The following ABCB4 variants were observed in gnomAD, a reference collection of about 807,000 sequenced individuals.
ABCB4 encodes ATP binding cassette subfamily B member 4, also known as phosphatidylcholine translocator ABCB4.
ABCB4 carries 76 observed loss-of-function variants against 145.7 expected under a neutral mutation model. The ratio of observed to expected loss-of-function variants is 0.52; its 90% confidence interval spans 0.43 to 0.63. ABCB4 has a LOEUF of 0.63. ABCB4 is among the 30% of genes least tolerant of loss of function. The pLI, the probability that ABCB4 is intolerant of heterozygous loss-of-function variation, is 0.00. For missense variants in ABCB4, 1,234 were observed against 1,553.1 expected, an observed-to-expected ratio of 0.79 and a Z score of 3.45; for synonymous variants, 517 against 566.8, an observed-to-expected ratio of 0.91 and a Z score of 1.25.
chr7:87,426,653 T>A, intron 16 of ABCB4, 97 bp downstream of exon 16: 1 of 1,255,944 alleles, frequency 8.0e-7, no homozygotes, highest in Non-Finnish European at 1.2e-6. Flanking sequence ...ATAGTAGCAG[T>A]CATCTGTGCC....
At position 87,470,268 on chromosome 7, in the gene ABCB4, A is replaced by G. The variant is rs540936919; in HGVS notation, c.135+2353T>C. Among the ~76,000 whole-genome samples the G allele has an allele frequency of 3.3e-5, 5 of 152,350 alleles. No individual in the cohort carries two copies. In the South Asian group the frequency reaches 1.0e-3, roughly 32 times the overall value. The stretch of plus-strand genomic sequence containing the variant: ...TTAGACCTAAAACCATAAAAACCCT[A>G]GAAGAAAACCTAGGCAATACCATTC... On this transcript the variant is annotated intron_variant, in intron 3 of 27. Coordinates refer to ENST00000649586, the MANE Select transcript of ABCB4 (RefSeq NM_000443.4).
the ABCB4 span, among the ~76,000 whole-genome samples, chr7:87,383,020 GA>G: frequency 1.3e-5 from 2 of 152,124 alleles, no homozygotes; most frequent in Non-Finnish European, 2.9e-5. Context: ...AGGTACATGT[GA>G]TTTTTTTGAT....
chr7:87,373,308 A>G, the ABCB4 span, among the ~76,000 whole-genome samples: 1 of 152,050 alleles, frequency 6.6e-6, no homozygotes, highest in East Asian at 1.9e-4. Flanking sequence ...ATTGAATTGT[A>G]ATCGTTCTTT....
chr7:87,471,832 T>C (rs1259674169), intron 3 of ABCB4, among the ~76,000 whole-genome samples: 1 of 152,238 alleles, frequency 6.6e-6, no homozygotes, highest in Non-Finnish European at 1.5e-5. Flanking sequence ...GTTTTAAGCA[T>C]AATCAGAATT....
In ABCB4 at chr7:87,462,828, G is replaced by A; in HGVS notation, c.216C>T (p.Pro72=). 6.2e-7 allele frequency: 1 copy of A among 1,613,696 alleles called. No homozygotes were observed. The highest frequency in any genetic ancestry group is 1.1e-5 in the South Asian group (1 of 91,062). ...TCTCTCCAAATACTATCATCATGAG[G>A]GGGAGACCTGATCCGTGAGCTATGG... ...IMAIAHGSGL[P]LMMIVFGEMT... The change falls in exon 4 of 28, where the codon CCC becomes CCT. Residue 72 remains proline, a synonymous_variant. Coordinates refer to ENST00000649586, the MANE Select transcript of ABCB4 (RefSeq NM_000443.4).
At chr7:87,472,280 G>A (rs1355351340) in intron 3 of ABCB4, among the ~76,000 whole-genome samples, 3 of 152,156 alleles carry the variant, frequency 2.0e-5, no homozygotes, top group Non-Finnish European at 4.4e-5. Context: ...GTGCAGTGGT[G>A]TGATCATAAC....
chr7:87,393,042 T>G, the ABCB4 span: 1 of 1,613,494 alleles, frequency 6.2e-7, no homozygotes, highest in South Asian at 1.1e-5. Flanking sequence ...TGGTTATGGA[T>G]TTTTCTACCA....
At chr7:87,437,684 T>A (rs1810701289) in intron 14 of ABCB4, among the ~76,000 whole-genome samples, 2 of 152,166 alleles carry the variant, frequency 1.3e-5, no homozygotes, top group South Asian at 4.1e-4. Flanking sequence ...CCTCTTCCCC[T>A]ATTACTTCAG....
At chr7:87,446,013 C>T (rs1369073089) in intron 9 of ABCB4, among the ~76,000 whole-genome samples, 2 of 152,160 alleles carry the variant, frequency 1.3e-5, no homozygotes, top group African/African-American at 4.8e-5. Flanking sequence ...CTTCATAAAA[C>T]ATCAATAGTA....
At chr7:87,440,493 T>G in intron 12 of ABCB4, 91 bp from the exon 13 acceptor site, 1 of 1,105,686 alleles carries the variant, frequency 9.0e-7, no homozygotes, top group East Asian at 2.5e-5. Flanking sequence ...ACCTAATATT[T>G]AACTTGGTTC....
chr7:87,472,343 T>A (rs534325327), intron 3 of ABCB4, among the ~76,000 whole-genome samples: 58 of 152,260 alleles, frequency 3.8e-4, no homozygotes, highest in Non-Finnish European at 6.0e-4. Flanking sequence ...CCCAAGTAGC[T>A]GGGACTACAG....
chr7:87,458,231 C>G (rs369101416), intron 4 of ABCB4, among the ~76,000 whole-genome samples: 7 of 152,180 alleles, frequency 4.6e-5, no homozygotes, highest in Admixed American at 1.3e-4. Flanking sequence ...AAGTCCTTGA[C>G]ACTCTGCAGA....
At chr7:87,405,068 AG>A (rs1351377329) in intron 26 of ABCB4, among the ~76,000 whole-genome samples, 2 of 152,352 alleles carry the variant, frequency 1.3e-5, no homozygotes, top group East Asian at 3.9e-4. Flanking sequence ...CCTGTATACA[AG>A]TATTTACAGC....
the ABCB4 span, among the ~76,000 whole-genome samples, chr7:87,394,343 T>C: frequency 6.6e-6 from 1 of 152,190 alleles, no homozygotes; most frequent in Non-Finnish European, 1.5e-5. Context: ...CATGTATTTT[T>C]CATTGTGGGT....
intron 12 of ABCB4, among the ~76,000 whole-genome samples, chr7:87,443,009 C>A (rs1239039213): frequency 6.6e-6 from 1 of 152,102 alleles, no homozygotes; most frequent in East Asian, 1.9e-4. Context: ...GTATGTTTGA[C>A]CAAACTCTAA....
chr7:87,430,052 C>T (rs1056153542), intron 15 of ABCB4, among the ~76,000 whole-genome samples: 13 of 152,152 alleles, frequency 8.5e-5, no homozygotes, highest in Admixed American at 1.3e-4. Context: ...AGCAACCTCT[C>T]ATGGTAGGTT....
intron 14 of ABCB4, among the ~76,000 whole-genome samples, chr7:87,434,705 A>G (rs1332686117): frequency 1.3e-5 from 2 of 152,172 alleles, no homozygotes; most frequent in African/African-American, 4.8e-5. Context: ...CCAAGATCAC[A>G]CCACTGCACT....
Position 87,430,763 on chromosome 7 carries a change from G to A in ABCB4, c.1893+641C>T, listed in dbSNP as rs45602931. Among the ~76,000 whole-genome samples, 547 of 152,256 alleles carry A rather than the reference G, an allele frequency of 3.6e-3. 3 individuals are homozygous for A. The highest frequency in any genetic ancestry group is 0.013 in the African/African-American group (522 of 41,538). On this transcript the variant is annotated intron_variant, in intron 15 of 27. Coordinates refer to ENST00000649586, the MANE Select transcript of ABCB4 (RefSeq NM_000443.4). ...GCTCGTCTCGAACTCCTGACCTCAG[G>A]TGATCTGCCCACCTCAGCCTCCCAA...
chr7:87,431,499 T>C lies in ABCB4; in HGVS notation c.1798A>G (p.Ile600Val), dbSNP rs1183284933. 2 of 1,613,228 alleles carry C rather than the reference T, an allele frequency of 1.2e-6. No individual in the cohort carries two copies. The highest frequency in any genetic ancestry group is 1.7e-6 in the Non-Finnish European group (2 of 1,179,260). ...RLSTVRNADVIAGFEDGVIVE... is the reference protein window; with the variant it reads ...RLSTVRNADVVAGFEDGVIVE... ...ATTACTCCATCCTCAAACCCAGCGATGACATCTGCATTTCGGACCGTAGAC... is the reference window on the plus strand; with the variant it reads ...ATTACTCCATCCTCAAACCCAGCGACGACATCTGCATTTCGGACCGTAGAC... Residue 600 changes from isoleucine (I) to valine (V), a missense_variant, in exon 15 of 28, where the codon ATC becomes GTC. Physicochemically the swap from Ile to Val is conservative, Grantham distance 29 (BLOSUM62 3). Transcript: ENST00000649586.
Sources: allele counts gnomAD v4.1 joint callset (sites outside exome capture counted in the v4.1 genomes callset), GRCh38; gene constraint gnomAD v4.1.1; transcripts MANE v1.5; gene names NCBI Gene and HGNC (gene_info 2026-07-23, HGNC 2026-07-21).